ANK2: variants seen among roughly 807,000 people sequenced by gnomAD.
ANK2 encodes ankyrin 2, also known as ankyrin-2.
Under a neutral mutation model 360.5 loss-of-function variants are expected in ANK2, and 83 were observed. The observed-to-expected ratio is 0.23, with a 90% CI of 0.19 to 0.28. The LOEUF (loss-of-function observed/expected upper bound fraction) is 0.28. Among genes scored for constraint, ANK2 ranks in the 10% least tolerant of loss-of-function variants. ANK2 has a pLI of 1.00. For synonymous variants in ANK2, 1,740 were observed against 1,759.5 expected (o/e 0.99, Z 0.28); for missense variants, 4,201 against 4,795.7 (o/e 0.88, Z 3.66).
At chr4:113,049,589 C>G (rs956083759), upstream of ANK2, 3 of 1,490,314 alleles carry the variant, frequency 2.0e-6, no homozygotes, top group South Asian at 3.7e-5. Flanking sequence ...GCAACGTCAC[C>G]GTCCTTACCC....
chr4:113,168,122 C>T lies in ANK2; in HGVS notation c.85-6294C>T, dbSNP rs796342709. 1.5e-4 allele frequency among the ~76,000 whole-genome samples: 23 copies of T among 152,084 alleles called. No homozygotes were observed. In the East Asian group the frequency reaches 3.3e-3, roughly 22 times the overall value. ...TTCATGGTTGGTATCTTAGGGAAAG[C>T]GTTGATAAGTGATATAATTTAGCTA... On this transcript the variant is annotated intron_variant, in intron 1 of 45. Transcript: ENST00000357077.
At chr4:112,890,931 A>G (rs2079849009) in intron 1 of ANK2, among the ~76,000 whole-genome samples, 1 of 152,158 alleles carries the variant, frequency 6.6e-6, no homozygotes, top group African/African-American at 2.4e-5. Context: ...TAATCCTTCT[A>G]AGAACTCCTT....
chr4:112,786,663 T>A, the ANK2 span, among the ~76,000 whole-genome samples: 4 of 151,974 alleles, frequency 2.6e-5, no homozygotes, highest in Non-Finnish European at 5.9e-5. Flanking sequence ...GTGTTGGGAT[T>A]ATAGGTGTGA....
At chr4:112,911,581 T>C (rs1313409158) in intron 2 of ANK2, among the ~76,000 whole-genome samples, 3 of 152,160 alleles carry the variant, frequency 2.0e-5, no homozygotes, top group Non-Finnish European at 4.4e-5. Flanking sequence ...CTTCAGCCTG[T>C]TGAATAGCTG....
At chr4:112,785,394 G>A in the ANK2 span, among the ~76,000 whole-genome samples, 627 of 149,560 alleles carry the variant, frequency 4.2e-3, 6 homozygotes, top group Non-Finnish European at 5.7e-3. Flanking sequence ...TTTTTTTTGA[G>A]ACGGAGTCTT....
intron 1 of ANK2, among the ~76,000 whole-genome samples, chr4:112,840,210 T>C (rs1165586459): frequency 6.6e-6 from 1 of 152,116 alleles, no homozygotes. Flanking sequence ...ATCAGAATCT[T>C]GGGATGGACT....
intron 2 of ANK2, among the ~76,000 whole-genome samples, chr4:112,989,892 A>T (rs1437802289): frequency 6.6e-6 from 1 of 152,242 alleles, no homozygotes. Context: ...TAAATTAAGA[A>T]AACTAACACT....
chr4:113,047,445 T>C (rs939402248), upstream of ANK2, among the ~76,000 whole-genome samples: 5 of 152,216 alleles, frequency 3.3e-5, no homozygotes, highest in Non-Finnish European at 5.9e-5. Context: ...TCCTGGCACA[T>C]GATAGTCATC....
intron 24 of ANK2, among the ~76,000 whole-genome samples, chr4:113,311,737 G>T (rs1279164546): frequency 6.6e-6 from 1 of 152,098 alleles, no homozygotes; most frequent in East Asian, 1.9e-4. Context: ...TTGCCTTATA[G>T]ACATTCTTAC....
At chr4:112,813,304 G>T (rs1236822198), upstream of ANK2, among the ~76,000 whole-genome samples, 1 of 150,162 alleles carries the variant, frequency 6.7e-6, no homozygotes, top group East Asian at 1.9e-4. Flanking sequence ...CAAAAACAAT[G>T]GAAAAAATTA....
chr4:112,981,552 A>G (rs929850720), intron 2 of ANK2, among the ~76,000 whole-genome samples: 1 of 152,232 alleles, frequency 6.6e-6, no homozygotes, highest in Non-Finnish European at 1.5e-5. Flanking sequence ...ATGACAGACT[A>G]AAGTTTCAGG....
chr4:112,738,572 C>T, the ANK2 span: 3 of 436,000 alleles, frequency 6.9e-6, no homozygotes, highest in African/African-American at 4.1e-5. Flanking sequence ...TTAACCTAGT[C>T]TGCAGGTTCA....
chr4:112,835,449 A>G (rs2060795419), intron 1 of ANK2, among the ~76,000 whole-genome samples: 1 of 152,152 alleles, frequency 6.6e-6, no homozygotes, highest in Non-Finnish European at 1.5e-5. Context: ...AATGAATAGT[A>G]AACTATATAA....
At chr4:112,719,352 A>C in the ANK2 span, among the ~76,000 whole-genome samples, 1 of 152,278 alleles carries the variant, frequency 6.6e-6, no homozygotes, top group East Asian at 1.9e-4. Flanking sequence ...TCAGATACAG[A>C]GGGGAAAACA....
intron 10 of ANK2, among the ~76,000 whole-genome samples, chr4:113,251,365 A>C (rs555199195): frequency 6.6e-6 from 1 of 152,048 alleles, no homozygotes; most frequent in Non-Finnish European, 1.5e-5. Flanking sequence ...TGAGTGTACA[A>C]TTATGTTCAT....
chr4:113,265,379 A>C, intron 14 of ANK2, among the ~76,000 whole-genome samples: 1 of 152,204 alleles, frequency 6.6e-6, no homozygotes. Context: ...CACTTAAACC[A>C]ATCACATTTC....
the ANK2 span, among the ~76,000 whole-genome samples, chr4:112,739,443 G>A: frequency 2.0e-5 from 3 of 152,044 alleles, no homozygotes; most frequent in African/African-American, 4.8e-5. Flanking sequence ...GTGAAACCTC[G>A]TCTCTACTAA....
chr4:113,188,001 T>C (rs1338918303), intron 2 of ANK2, among the ~76,000 whole-genome samples: 1 of 152,188 alleles, frequency 6.6e-6, no homozygotes, highest in Non-Finnish European at 1.5e-5. Flanking sequence ...TATACATATG[T>C]ACATATGTAT....
chr4:112,843,898 T>G (rs1453281115), intron 1 of ANK2, among the ~76,000 whole-genome samples: 1 of 152,176 alleles, frequency 6.6e-6, no homozygotes, highest in African/African-American at 2.4e-5. Context: ...ATGCAGAACT[T>G]AGGTTTTTTT....
Sources: allele counts gnomAD v4.1 joint callset (sites outside exome capture counted in the v4.1 genomes callset), GRCh38; gene constraint gnomAD v4.1.1; transcripts MANE v1.5; gene names NCBI Gene and HGNC (gene_info 2026-07-23, HGNC 2026-07-21).